The following MTSS1 variants were observed in gnomAD, a reference collection of about 807,000 sequenced individuals.
MTSS1 encodes protein MTSS 1.
A neutral mutation model predicts 79.0 loss-of-function variants in MTSS1; 18 were observed. The ratio of observed to expected loss-of-function variants is 0.23; its 90% CI spans 0.16 to 0.34. MTSS1 has a LOEUF of 0.34. MTSS1 is among the 10% of genes least tolerant of loss of function. MTSS1 has a pLI of 1.00. For synonymous variants in MTSS1, 341 were observed against 368.6 expected (o/e 0.93, Z 0.86); for missense variants, 815 against 986.2 (o/e 0.83, Z 2.33).
chr8:124,572,748 T>TC lies in MTSS1; in HGVS notation c.461-4213_461-4212insG, dbSNP rs201292129. ...TACTTTCTTTCTTTTCTTTTCTTTT[T>TC]TTTTTTTTTTTTGAGACAGAGTCTC... On this transcript the variant is annotated intron_variant, in intron 6 of 13. Transcript: ENST00000518547. Among the ~76,000 whole-genome samples the TC allele has an allele frequency of 2.8e-3, 413 of 147,566 alleles. 3 individuals carry two copies. The highest frequency in any genetic ancestry group is 9.8e-3 in the African/African-American group (390 of 39,948).
chr8:124,641,183 G>A (rs1375800719), intron 3 of MTSS1, among the ~76,000 whole-genome samples: 9 of 152,080 alleles, frequency 5.9e-5, no homozygotes, highest in Admixed American at 5.2e-4. Context: ...TGCCCTGATG[G>A]GTCAAATGGA....
intron 3 of MTSS1, among the ~76,000 whole-genome samples, chr8:124,629,865 T>TA (rs1422925885): frequency 6.6e-6 from 1 of 152,206 alleles, no homozygotes; most frequent in African/African-American, 2.4e-5. Flanking sequence ...TTTATCATTT[T>TA]AACTGTCATC....
At chr8:124,644,535 T>C (rs1439500367) in intron 3 of MTSS1, among the ~76,000 whole-genome samples, 2 of 152,246 alleles carry the variant, frequency 1.3e-5, no homozygotes, top group Non-Finnish European at 1.5e-5. Flanking sequence ...GTAAACATAA[T>C]TAATCTTTTC....
At chr8:124,711,509 C>G (rs1831158821) in intron 1 of MTSS1, among the ~76,000 whole-genome samples, 1 of 152,134 alleles carries the variant, frequency 6.6e-6, no homozygotes, top group Admixed American at 6.5e-5. Context: ...AGCCTCCAGC[C>G]CAGCCCAGCC....
chr8:124,596,831 G>A (rs1031827314), intron 3 of MTSS1, among the ~76,000 whole-genome samples: 2 of 152,086 alleles, frequency 1.3e-5, no homozygotes, highest in Non-Finnish European at 2.9e-5. Context: ...CTAGGCTCAC[G>A]GCCTGTGTGT....
At chr8:124,613,898 G>C (rs1197316672) in intron 3 of MTSS1, among the ~76,000 whole-genome samples, 1 of 152,200 alleles carries the variant, frequency 6.6e-6, no homozygotes, top group East Asian at 1.9e-4. Flanking sequence ...GTTGGGCACA[G>C]TGGCTGTCAT....
At chr8:124,555,980 A>G in intron 12 of MTSS1, 76 bp from the exon 13 acceptor site, 2 of 1,572,812 alleles carry the variant, frequency 1.3e-6, no homozygotes, top group Non-Finnish European at 8.6e-7. Flanking sequence ...TGCCCCCGTG[A>G]GCACTACATG....
At chr8:124,707,129 G>A (rs1053943795) in intron 1 of MTSS1, among the ~76,000 whole-genome samples, 1 of 152,160 alleles carries the variant, frequency 6.6e-6, no homozygotes, top group African/African-American at 2.4e-5. Flanking sequence ...AGGCAAAGGT[G>A]CCACCATCTC....
At chr8:124,555,544 C>T (rs1288289064) in intron 13 of MTSS1, among the ~76,000 whole-genome samples, 198 bp downstream of exon 13, 7 of 152,346 alleles carry the variant, frequency 4.6e-5, no homozygotes, top group Middle Eastern at 3.4e-3. Context: ...CTGCGCCCGA[C>T]CCCAGATCCC....
At chr8:124,639,324 C>A (rs1416738444) in intron 3 of MTSS1, among the ~76,000 whole-genome samples, 1 of 152,130 alleles carries the variant, frequency 6.6e-6, no homozygotes, top group Non-Finnish European at 1.5e-5. Context: ...CGCCACAAAG[C>A]AAGACTCCAT....
chr8:124,614,163 CAAAAAAAAAAA>C (rs3050528), intron 3 of MTSS1, among the ~76,000 whole-genome samples: 2 of 92,440 alleles, frequency 2.2e-5, no homozygotes, highest in South Asian at 3.7e-4. Context: ...ATACCTGCCT[CAAAAAAAAAAA>C]AAAAAAAAAA....
rs375648067 is a variant in MTSS1 at position 124,599,792 on chromosome 8, T to A, written c.209-8557A>T. Among the ~76,000 whole-genome samples, 9 of 152,162 alleles carry A rather than the reference T, an allele frequency of 5.9e-5. No individual in the cohort carries two copies. The East Asian group carries it at 1.7e-3, about 29-fold the overall frequency. On this transcript the variant is annotated intron_variant, in intron 3 of 13. Transcript: ENST00000518547. ...CCACACACTTGGATGGCAGGCACAC[T>A]CCACGCAGCCTGCAAGCCATAGAGT...
At chr8:124,668,646 G>C (rs1337541484) in intron 3 of MTSS1, among the ~76,000 whole-genome samples, 2 of 152,154 alleles carry the variant, frequency 1.3e-5, no homozygotes, top group Non-Finnish European at 2.9e-5. Flanking sequence ...TCATACCTCT[G>C]AACGGGACCA....
chr8:124,585,859 GA>G (rs1468769775), intron 5 of MTSS1, among the ~76,000 whole-genome samples: 5 of 152,146 alleles, frequency 3.3e-5, no homozygotes, highest in Admixed American at 3.3e-4. Context: ...CCCCTATGTG[GA>G]AAAGATGCTG....
In MTSS1 at chr8:124,699,285, A is replaced by G. The variant is rs764107730; in HGVS notation, c.208+241T>C. 71 of 509,692 alleles carry G rather than the reference A, an allele frequency of 1.4e-4. 1 individual carries two copies. Among genetic ancestry groups the G allele is most frequent in the East Asian group, 7.6e-4 (22 of 28,808 alleles). The allele number at this position is 509,692 out of a possible 1,614,324, so 31.6% of individuals were successfully genotyped here. On this transcript the variant is annotated intron_variant, in intron 3 of 13. Transcript: ENST00000518547. ...AGTGATCAAAGAACCCATCAAGCCA[A>G]CTCGTGCAGAAACAGTGGTTCATTT... is the stretch of plus-strand genomic sequence containing the variant.
In MTSS1 at chr8:124,686,273, G is replaced by A. The variant is rs116818740; in HGVS notation, c.208+13253C>T. On this transcript the variant is annotated intron_variant, in intron 3 of 13. Coordinates refer to ENST00000518547, the MANE Select transcript of MTSS1 (RefSeq NM_014751.6). The stretch of plus-strand genomic sequence containing the variant: ...ATCACGCAGGGAGCGCAACACGAAC[G>A]GGAACTCAAGCGCTCTGTTCACCCC... Among the ~76,000 whole-genome samples the A allele has an allele frequency of 2.7e-3, 407 of 152,208 alleles. 2 individuals are homozygous for A. Among genetic ancestry groups the A allele is most frequent in the African/African-American group, 9.3e-3 (387 of 41,526 alleles).
At chr8:124,577,227 T>C (rs145415317) in intron 6 of MTSS1, among the ~76,000 whole-genome samples, 2 of 152,338 alleles carry the variant, frequency 1.3e-5, no homozygotes, top group Non-Finnish European at 2.9e-5. Flanking sequence ...TACATTCACC[T>C]GAAATGCAAC....
chr8:124,726,324 A>C (rs1833693595), intron 1 of MTSS1, among the ~76,000 whole-genome samples: 1 of 152,152 alleles, frequency 6.6e-6, no homozygotes, highest in Non-Finnish European at 1.5e-5. Flanking sequence ...AAAGAGAAAA[A>C]ACTCCAGATG....
chr8:124,612,685 A>C (rs1466478586), intron 3 of MTSS1, among the ~76,000 whole-genome samples: 1 of 151,246 alleles, frequency 6.6e-6, no homozygotes, highest in Non-Finnish European at 1.5e-5. Context: ...ACACAAGTGA[A>C]CCTAACGGCA....
Sources: gnomAD v4.1 joint callset for allele counts (sites outside exome capture counted in the v4.1 genomes callset) on GRCh38, gnomAD v4.1.1 for gene constraint, MANE v1.5 for transcripts, NCBI Gene and HGNC (gene_info 2026-07-23, HGNC 2026-07-21) for gene names.